MYRIP: variants seen among roughly 807,000 people sequenced by gnomAD.
MYRIP encodes myosin VIIA and Rab interacting protein, also known as rab effector MyRIP.
A neutral mutation model predicts 98.0 loss-of-function variants in MYRIP; 49 were observed. The ratio of observed to expected loss-of-function variants is 0.50; its 90% CI spans 0.40 to 0.63. The LOEUF is 0.63. Among genes scored for constraint, MYRIP ranks in the 30% least tolerant of loss-of-function variants. MYRIP has a pLI of 0.00. For missense variants in MYRIP, 1,004 were observed against 1,058.2 expected (o/e 0.95, Z 0.71); for synonymous variants, 404 against 409.5 (o/e 0.99, Z 0.16).
chr3:40,080,791 C>CTTTTTTTTTTTTTTTTTTTTTTTTT (rs34610302), intron 3 of MYRIP, among the ~76,000 whole-genome samples: 1 of 93,840 alleles, frequency 1.1e-5, no homozygotes, highest in Admixed American at 1.2e-4. Context: ...ATCCTAACTT[C>CTTTTTTTTTTTTTTTTTTTTTTTTT]TTTTTTTTTT....
At position 39,957,418 on chromosome 3, in the gene MYRIP, C is replaced by T. The variant is rs142578292; in HGVS notation, c.110+56492C>T. ...TAATCCATCATATAAACAGAACCAA[C>T]GACAAAAACCACATGATTATCTCAA... is the stretch of plus-strand genomic sequence containing the variant. On this transcript the variant is annotated intron_variant, in intron 2 of 16. Transcript: ENST00000302541. Among the ~76,000 whole-genome samples, 16 of 151,882 alleles carry T rather than the reference C, an allele frequency of 1.1e-4. No individual in the cohort carries two copies. In the South Asian group the frequency reaches 1.2e-3, roughly 12 times the overall value.
chr3:39,829,148 TG>T (rs1374292509), intron 1 of MYRIP, among the ~76,000 whole-genome samples: 1 of 152,212 alleles, frequency 6.6e-6, no homozygotes, highest in African/African-American at 2.4e-5. Flanking sequence ...CACTGTTTTT[TG>T]ATTCTTTGAT....
At chr3:39,837,442 A>G (rs1575289422) in intron 1 of MYRIP, among the ~76,000 whole-genome samples, 2 of 152,178 alleles carry the variant, frequency 1.3e-5, no homozygotes, top group South Asian at 4.1e-4. Context: ...ATGGCTCGTC[A>G]GTTTTCCTAA....
intron 2 of MYRIP, among the ~76,000 whole-genome samples, chr3:40,011,643 AAC>A (rs1304595534): frequency 2.0e-5 from 3 of 152,224 alleles, no homozygotes; most frequent in Non-Finnish European, 4.4e-5. Flanking sequence ...GCTGAAGGCA[AAC>A]ACAGTTTCTG....
At chr3:39,927,380 A>G (rs1326381256) in intron 2 of MYRIP, among the ~76,000 whole-genome samples, 1 of 151,910 alleles carries the variant, frequency 6.6e-6, no homozygotes, top group Non-Finnish European at 1.5e-5. Flanking sequence ...GACTGATGAG[A>G]GAATGGGCAT....
chr3:40,086,665 T>C (rs2125878133), intron 3 of MYRIP, among the ~76,000 whole-genome samples: 1 of 152,300 alleles, frequency 6.6e-6, no homozygotes, highest in South Asian at 2.1e-4. Context: ...CAGGCTTAAA[T>C]CCTAGCTCAG....
chr3:39,956,963 C>A (rs1945182031), intron 2 of MYRIP, among the ~76,000 whole-genome samples: 1 of 151,786 alleles, frequency 6.6e-6, no homozygotes, highest in Admixed American at 6.6e-5. Flanking sequence ...CATACACCCT[C>A]CCAAGACTAA....
chr3:39,997,506 A>G (rs1234714926), intron 2 of MYRIP, among the ~76,000 whole-genome samples: 5 of 151,996 alleles, frequency 3.3e-5, no homozygotes, highest in South Asian at 4.1e-4. Flanking sequence ...TCTCTGAATA[A>G]ACCAATAACA....
intron 2 of MYRIP, among the ~76,000 whole-genome samples, chr3:39,903,971 C>T (rs766936526): frequency 1.3e-5 from 2 of 152,202 alleles, no homozygotes; most frequent in African/African-American, 2.4e-5. Flanking sequence ...ACAAGGTCCA[C>T]TCATTAGTCT....
chr3:40,215,919 C>T (rs1952106056), intron 11 of MYRIP, among the ~76,000 whole-genome samples: 1 of 152,232 alleles, frequency 6.6e-6, no homozygotes, highest in African/African-American at 2.4e-5. Flanking sequence ...CTTAGAGCTA[C>T]AGCTCTTATC....
At chr3:40,122,364 G>T (rs933239736) in intron 3 of MYRIP, among the ~76,000 whole-genome samples, 3 of 150,750 alleles carry the variant, frequency 2.0e-5, no homozygotes, top group African/African-American at 7.3e-5. Context: ...GAAAATATGA[G>T]AAAAAAAGGC....
At chr3:39,917,100 TATAATC>T (rs1367329685) in intron 2 of MYRIP, among the ~76,000 whole-genome samples, 4 of 152,168 alleles carry the variant, frequency 2.6e-5, no homozygotes, top group Non-Finnish European at 2.9e-5. Flanking sequence ...ATTCAAAAAT[TATAATC>T]ATATACTATA....
At chr3:39,905,415 A>G (rs1943854590) in intron 2 of MYRIP, among the ~76,000 whole-genome samples, 1 of 151,838 alleles carries the variant, frequency 6.6e-6, no homozygotes. Context: ...TACTTATATT[A>G]CCCTTGTCTT....
intron 2 of MYRIP, among the ~76,000 whole-genome samples, chr3:40,035,323 C>T (rs1244970808): frequency 6.6e-6 from 1 of 151,974 alleles, no homozygotes; most frequent in African/African-American, 2.4e-5. Context: ...TTGTATAAGT[C>T]ACGTAGTAAT....
intron 3 of MYRIP, among the ~76,000 whole-genome samples, chr3:40,051,759 T>C (rs1947799649): frequency 6.6e-6 from 1 of 152,202 alleles, no homozygotes; most frequent in South Asian, 2.1e-4. Flanking sequence ...AGGCTTCTTT[T>C]CTTTTTCCTT....
chr3:40,097,322 A>C (rs1413948963), intron 3 of MYRIP, among the ~76,000 whole-genome samples: 1 of 152,214 alleles, frequency 6.6e-6, no homozygotes, highest in Non-Finnish European at 1.5e-5. Context: ...GTCAGGATTC[A>C]TATCCAGGTA....
chr3:39,838,256 G>C (rs548647535), intron 1 of MYRIP, among the ~76,000 whole-genome samples: 66 of 144,426 alleles, frequency 4.6e-4, no homozygotes, highest in African/African-American at 1.5e-3. Context: ...TTGAATAGGA[G>C]TGTTGAGAGA....
At chr3:40,248,844 C>G (rs750232330) in intron 13 of MYRIP, among the ~76,000 whole-genome samples, 3 of 152,180 alleles carry the variant, frequency 2.0e-5, no homozygotes, top group Non-Finnish European at 4.4e-5. Context: ...AGATTAAGAA[C>G]AGAAAGGCAT....
rs527524428 is a variant in MYRIP, at chr3:40,012,885, C to T, written c.111-31165C>T. Among the ~76,000 whole-genome samples the T allele has an allele frequency of 9.8e-4, 149 of 152,182 alleles. 3 individuals are homozygous for T. The highest frequency in any genetic ancestry group is 5.2e-3 in the South Asian group (25 of 4,822). ...AGTTCTCGGCCCCCATAATTGCATG[C>T]GTCTACATATATACACACACATTCT... On this transcript the variant is annotated intron_variant, in intron 2 of 16. Transcript: ENST00000302541.
Sources: gnomAD v4.1 joint callset for allele counts (sites outside exome capture counted in the v4.1 genomes callset) on GRCh38, gnomAD v4.1.1 for gene constraint, MANE v1.5 for transcripts, NCBI Gene and HGNC (gene_info 2026-07-23, HGNC 2026-07-21) for gene names.